IL1RAPL1: variants seen among roughly 807,000 people sequenced by gnomAD.
IL1RAPL1 encodes interleukin-1 receptor accessory protein-like 1.
A neutral mutation model predicts 48.4 loss-of-function variants in IL1RAPL1; 3 were observed. The observed-to-expected ratio is 0.06, with a 90% CI of 0.03 to 0.16. IL1RAPL1 has a LOEUF of 0.16. Among genes scored for constraint, IL1RAPL1 ranks in the 10% least tolerant of loss-of-function variants. The pLI is 1.00. For synonymous variants in IL1RAPL1, 185 were observed against 187.7 expected, an observed-to-expected ratio of 0.99 and a Z score of 0.12; for missense variants, 349 against 530.6, an observed-to-expected ratio of 0.66 and a Z score of 3.36.
intron 6 of IL1RAPL1, among the ~76,000 whole-genome samples, chrX:29,737,843 C>A (rs372554294): frequency 1.8e-5 from 2 of 111,839 alleles, no homozygotes; most frequent in Non-Finnish European, 3.8e-5. Context: ...ATTCTTTTAT[C>A]GATTTAAGAA....
At chrX:29,240,701 T>G (rs766309694) in intron 2 of IL1RAPL1, among the ~76,000 whole-genome samples, 233 of 111,939 alleles carry the variant, frequency 2.1e-3, no homozygotes, top group Middle Eastern at 0.018. Flanking sequence ...GCCTACAAAT[T>G]GTTTGTAAAA....
At chrX:29,410,069 G>A (rs1437155934) in intron 5 of IL1RAPL1, among the ~76,000 whole-genome samples, 9 of 110,539 alleles carry the variant, frequency 8.1e-5, no homozygotes, top group African/African-American at 2.3e-4. Context: ...TGATCCACCC[G>A]CCTCGGCCTC....
intron 5 of IL1RAPL1, among the ~76,000 whole-genome samples, chrX:29,482,767 C>G (rs36108015): frequency 0.014 from 1,533 of 111,940 alleles, 9 homozygotes; most frequent in Non-Finnish European, 0.02. Flanking sequence ...GTAGATCATA[C>G]AGTATAATGA....
intron 3 of IL1RAPL1, among the ~76,000 whole-genome samples, chrX:29,330,854 T>A (rs1385541806): frequency 3.6e-5 from 4 of 111,292 alleles, no homozygotes; most frequent in African/African-American, 1.3e-4. Context: ...CATTTGTGAG[T>A]GAAAGGGGGT....
chrX:28,818,029 A>G (rs764433235), intron 2 of IL1RAPL1, among the ~76,000 whole-genome samples: 4 of 110,991 alleles, frequency 3.6e-5, no homozygotes, highest in Admixed American at 1.9e-4. Context: ...ACTTTTGATC[A>G]TGATTTCAAC....
At chrX:29,097,405 A>T (rs1044666998) in intron 2 of IL1RAPL1, among the ~76,000 whole-genome samples, 1 of 112,137 alleles carries the variant, frequency 8.9e-6, no homozygotes, top group Non-Finnish European at 1.9e-5. Flanking sequence ...GGAAATATAG[A>T]CACATTTGAG....
rs73452900 is a variant in IL1RAPL1, at chrX:28,928,227, C to T, written c.82+138802C>T. ...TCAGTGAATCTTGTCTCCTGTACCT[C>T]GCATCCCCCAAATCTGGCCACTTTT... On this transcript the variant is annotated intron_variant, in intron 2 of 10. Transcript: ENST00000378993. Among the ~76,000 whole-genome samples the T allele has an allele frequency of 4.2e-3, 464 of 111,251 alleles. 1 individual carries two copies. Among genetic ancestry groups the T allele is most frequent in the African/African-American group, 0.014 (442 of 30,655 alleles).
chrX:29,150,234 T>A (rs1055421195), intron 2 of IL1RAPL1, among the ~76,000 whole-genome samples: 2 of 111,971 alleles, frequency 1.8e-5, no homozygotes, highest in Non-Finnish European at 3.8e-5. Context: ...GATCATAGTT[T>A]AAGGAATTTT....
At chrX:28,899,891 A>G (rs992762427) in intron 2 of IL1RAPL1, among the ~76,000 whole-genome samples, 2 of 112,032 alleles carry the variant, frequency 1.8e-5, no homozygotes, top group Non-Finnish European at 3.8e-5. Flanking sequence ...GTCATTTCAC[A>G]GAAGTGTGGG....
chrX:28,738,125 C>G, intron 1 of IL1RAPL1, among the ~76,000 whole-genome samples: 1 of 110,996 alleles, frequency 9.0e-6, no homozygotes, highest in East Asian at 2.8e-4. Context: ...ATATACATTT[C>G]TTTGCATGTT....
chrX:29,815,671 A>G (rs1465167820), intron 6 of IL1RAPL1, among the ~76,000 whole-genome samples: 1 of 110,738 alleles, frequency 9.0e-6, no homozygotes, highest in Admixed American at 9.7e-5. Context: ...CTTAGGATAT[A>G]TGCTTCCAGC....
chrX:29,506,496 G>A (rs1043820531), intron 5 of IL1RAPL1, among the ~76,000 whole-genome samples: 2 of 99,977 alleles, frequency 2.0e-5, no homozygotes, highest in Admixed American at 1.1e-4. Context: ...TTGTGCGTGC[G>A]TGCATGTATG....
chrX:28,930,845 G>A (rs1470400035), intron 2 of IL1RAPL1, among the ~76,000 whole-genome samples: 3 of 110,653 alleles, frequency 2.7e-5, no homozygotes, highest in African/African-American at 9.9e-5. Flanking sequence ...GTTTCACCGT[G>A]TTAGCCAGGA....
intron 1 of IL1RAPL1, among the ~76,000 whole-genome samples, chrX:28,739,072 T>C (rs1446994746): frequency 9.0e-6 from 1 of 111,377 alleles, no homozygotes; most frequent in African/African-American, 3.3e-5. Context: ...TAATTTGATG[T>C]CTCCAAGATA....
intron 2 of IL1RAPL1, among the ~76,000 whole-genome samples, chrX:28,901,344 A>T (rs1289743174): frequency 8.9e-6 from 1 of 112,325 alleles, no homozygotes; most frequent in East Asian, 2.8e-4. Flanking sequence ...AGGAAGCATC[A>T]TGCCATTTGA....
At chrX:29,849,323 T>C (rs932629172) in intron 6 of IL1RAPL1, among the ~76,000 whole-genome samples, 1 of 111,620 alleles carries the variant, frequency 9.0e-6, no homozygotes, top group African/African-American at 3.3e-5. Context: ...AATACAGTCC[T>C]AATTCTATAG....
chrX:29,322,488 C>T (rs1490744118), intron 3 of IL1RAPL1, among the ~76,000 whole-genome samples: 1 of 111,671 alleles, frequency 9.0e-6, no homozygotes, highest in African/African-American at 3.3e-5. Flanking sequence ...TGGTCTTGAA[C>T]TCCCGAGCTC....
intron 2 of IL1RAPL1, among the ~76,000 whole-genome samples, chrX:29,261,916 T>G (rs1209702957): frequency 8.9e-6 from 1 of 111,789 alleles, no homozygotes; most frequent in Non-Finnish European, 1.9e-5. Flanking sequence ...ATATGTTTGT[T>G]GGCTTACTTG....
At chrX:29,870,497 C>G (rs1931779739) in intron 6 of IL1RAPL1, among the ~76,000 whole-genome samples, 1 of 111,953 alleles carries the variant, frequency 8.9e-6, no homozygotes, top group South Asian at 3.7e-4. Context: ...GTTATCCTAG[C>G]TTGTATTAGT....
Sources: allele counts gnomAD v4.1 joint callset (sites outside exome capture counted in the v4.1 genomes callset), GRCh38; gene constraint gnomAD v4.1.1; transcripts MANE v1.5; gene names NCBI Gene and HGNC (gene_info 2026-07-23, HGNC 2026-07-21).